Variants in CACNA2D3 observed in about 807,000 individuals in gnomAD.
CACNA2D3 encodes the protein voltage-dependent calcium channel subunit alpha-2/delta-3.
A neutral mutation model predicts 160.6 loss-of-function variants in CACNA2D3; 60 were observed. That is an observed-to-expected ratio of 0.37 (90% CI 0.30 to 0.46). The LOEUF is 0.46. CACNA2D3 is among the 20% of genes least tolerant of loss of function. The pLI, the probability that CACNA2D3 is intolerant of heterozygous loss-of-function variation, is 1.00. For missense variants in CACNA2D3, 1,205 were observed against 1,365.0 expected, an observed-to-expected ratio of 0.88 and a Z score of 1.85; for synonymous variants, 558 against 492.9, an observed-to-expected ratio of 1.13 and a Z score of -1.75.
At position 54,174,665 on chromosome 3, in the gene CACNA2D3, CA is replaced by C. The variant is rs779672931; in HGVS notation, c.204+51072del. Among the ~76,000 whole-genome samples the C allele has an allele frequency of 4.6e-5, 7 of 152,310 alleles. No individual in the cohort carries two copies. In the East Asian group the frequency reaches 1.4e-3, roughly 29 times the overall value. On this transcript the variant is annotated intron_variant, in intron 2 of 37. Coordinates refer to ENST00000474759, the MANE Select transcript of CACNA2D3 (RefSeq NM_018398.3). ...TCCGTCTCCTGAGTAGCTGGGACTA[CA>C]GGCGCCCGCCACCACGCCTGGCTAA...
chr3:54,764,403 A>T (rs1483616738), intron 13 of CACNA2D3, 52 bp downstream of exon 13: 1 of 1,597,426 alleles, frequency 6.3e-7, no homozygotes, highest in African/African-American at 1.3e-5. Context: ...CCATCCCCAA[A>T]TTGTGTTAAT....
intron 9 of CACNA2D3, among the ~76,000 whole-genome samples, chr3:54,587,707 C>A (rs1388407868): frequency 6.6e-6 from 1 of 152,006 alleles, no homozygotes; most frequent in Non-Finnish European, 1.5e-5. Context: ...CATGAATTAA[C>A]GACTTAGAAA....
At chr3:54,990,924 A>G (rs1702724444) in intron 31 of CACNA2D3, among the ~76,000 whole-genome samples, 1 of 152,218 alleles carries the variant, frequency 6.6e-6, no homozygotes, top group South Asian at 2.1e-4. Context: ...CTAAGAGGCA[A>G]AATTGACCAC....
chr3:55,070,102 C>T (rs958340362), intron 35 of CACNA2D3, among the ~76,000 whole-genome samples: 3 of 152,194 alleles, frequency 2.0e-5, no homozygotes, highest in Non-Finnish European at 4.4e-5. Context: ...ACCCTAGGTG[C>T]TAGAGATAAC....
At chr3:54,986,282 C>T (rs1401916238) in intron 30 of CACNA2D3, among the ~76,000 whole-genome samples, 1 of 152,150 alleles carries the variant, frequency 6.6e-6, no homozygotes, top group Non-Finnish European at 1.5e-5. Flanking sequence ...TGCTCTATGT[C>T]TCCATGGAAT....
chr3:54,329,559 G>T (rs1469781546), intron 3 of CACNA2D3, among the ~76,000 whole-genome samples: 3 of 152,208 alleles, frequency 2.0e-5, no homozygotes, highest in African/African-American at 7.2e-5. Flanking sequence ...GTTTGTCCCA[G>T]TTCTGATTTT....
intron 2 of CACNA2D3, among the ~76,000 whole-genome samples, chr3:54,319,196 A>ACACC (rs1269173330): frequency 7.1e-6 from 1 of 140,622 alleles, no homozygotes; most frequent in Non-Finnish European, 1.6e-5. Context: ...ACACACACAC[A>ACACC]CACACCCTTC....
chr3:54,414,671 A>G (rs913447807), intron 4 of CACNA2D3, among the ~76,000 whole-genome samples: 3 of 151,894 alleles, frequency 2.0e-5, no homozygotes, highest in African/African-American at 7.3e-5. Flanking sequence ...TTCTTGTTAC[A>G]ACATTTTTTT....
chr3:54,414,715 A>G lies in CACNA2D3; in HGVS notation c.381+27941A>G, dbSNP rs1017256978. On this transcript the variant is annotated intron_variant, in intron 4 of 37. Coordinates refer to ENST00000474759, the MANE Select transcript of CACNA2D3 (RefSeq NM_018398.3). ...TGACTATAAGTCTTAATTTGTGGGT[A>G]ATGGTGGCTACAGAAGTCTGAACTG... 7.9e-5 allele frequency among the ~76,000 whole-genome samples: 12 copies of G among 151,388 alleles called. No individual in the cohort carries two copies. In the South Asian group the frequency reaches 1.5e-3, roughly 18 times the overall value.
At chr3:54,864,558 C>CTTTGGCCT (rs993172898) in intron 17 of CACNA2D3, among the ~76,000 whole-genome samples, 1 of 152,198 alleles carries the variant, frequency 6.6e-6, no homozygotes, top group Non-Finnish European at 1.5e-5. Context: ...CTGTGCCTGG[C>CTTTGGCCT]TTTGGCCTAG....
chr3:54,295,531 C>T (rs1009316107), intron 2 of CACNA2D3, among the ~76,000 whole-genome samples: 4 of 152,106 alleles, frequency 2.6e-5, no homozygotes, highest in African/African-American at 7.2e-5. Context: ...TCTGGAAAGA[C>T]GGGACAACTC....
intron 2 of CACNA2D3, among the ~76,000 whole-genome samples, chr3:54,240,382 G>C (rs1368139672): frequency 1.3e-5 from 2 of 152,168 alleles, no homozygotes; most frequent in Non-Finnish European, 2.9e-5. Flanking sequence ...CAAGAGAACA[G>C]TAATTACTAG....
intron 2 of CACNA2D3, among the ~76,000 whole-genome samples, chr3:54,255,668 T>A (rs1356736654): frequency 6.6e-6 from 1 of 152,126 alleles, no homozygotes; most frequent in East Asian, 1.9e-4. Flanking sequence ...CTTTGGGCCT[T>A]TGTATTCCAG....
intron 13 of CACNA2D3, among the ~76,000 whole-genome samples, chr3:54,809,864 A>G (rs1460329858): frequency 6.6e-6 from 1 of 152,168 alleles, no homozygotes; most frequent in African/African-American, 2.4e-5. Context: ...GTCCCTAGGA[A>G]TACAACAGTG....
chr3:54,961,000 T>C (rs1283828692), intron 27 of CACNA2D3, among the ~76,000 whole-genome samples: 1 of 152,240 alleles, frequency 6.6e-6, no homozygotes, highest in Non-Finnish European at 1.5e-5. Flanking sequence ...GGGTTAATCA[T>C]GAAATATTCC....
intron 3 of CACNA2D3, among the ~76,000 whole-genome samples, chr3:54,372,819 G>T (rs1339350521): frequency 3.3e-5 from 5 of 152,180 alleles, no homozygotes; most frequent in Non-Finnish European, 4.4e-5. Flanking sequence ...TATCCTTTAA[G>T]CTAGCTTCTC....
chr3:54,212,953 A>G (rs1263012602), intron 2 of CACNA2D3, among the ~76,000 whole-genome samples: 1 of 152,084 alleles, frequency 6.6e-6, no homozygotes, highest in African/African-American at 2.4e-5. Context: ...AGGCCTCCTA[A>G]TTGCCCTTCT....
Position 54,888,215 on chromosome 3 carries a change from G to A in CACNA2D3, c.2150+163G>A, listed in dbSNP as rs144106522. Among the ~76,000 whole-genome samples the A allele has an allele frequency of 8.1e-3, 1,233 of 152,304 alleles. 22 individuals carry two copies. The highest frequency in any genetic ancestry group is 0.027 in the African/African-American group (1,123 of 41,564). On this transcript the variant is annotated intron_variant, in intron 24 of 37. Transcript: ENST00000474759. ...AAGAGCTAGAGCAGATTAGCGGCTC[G>A]GGCTTGGATGGCAAGCTCCTGGCTT...
At chr3:54,492,472 T>C (rs552794851) in intron 4 of CACNA2D3, among the ~76,000 whole-genome samples, 6 of 152,298 alleles carry the variant, frequency 3.9e-5, no homozygotes, top group African/African-American at 1.2e-4. Flanking sequence ...CCATTACTTA[T>C]AGCGTGATCT....
Sources: gnomAD v4.1 joint callset for allele counts (sites outside exome capture counted in the v4.1 genomes callset) on GRCh38, gnomAD v4.1.1 for gene constraint, MANE v1.5 for transcripts, NCBI Gene and HGNC (gene_info 2026-07-23, HGNC 2026-07-21) for gene names.